Variants in ACACB observed in about 807,000 individuals in gnomAD.
ACACB encodes the protein acetyl-CoA carboxylase beta, also known as acetyl-CoA carboxylase 2.
Under a neutral mutation model 278.8 loss-of-function variants are expected in ACACB, and 209 were observed. The observed-to-expected ratio is 0.75, with a 90% confidence interval of 0.67 to 0.84. The LOEUF (loss-of-function observed/expected upper bound fraction) is 0.84, where lower values mean the gene tolerates loss of function less well. Ranked by LOEUF, ACACB falls within the 40% of genes least tolerant of loss-of-function variation. The pLI, the probability that ACACB is intolerant of heterozygous loss-of-function variation, is 0.00. For synonymous variants in ACACB, 1,174 were observed against 1,285.6 expected (o/e 0.91, Z 1.86); for missense variants, 2,850 against 3,269.0 (o/e 0.87, Z 3.13).
chr12:109,207,782 G>A (rs1379989590), intron 20 of ACACB, among the ~76,000 whole-genome samples: 1 of 152,158 alleles, frequency 6.6e-6, no homozygotes, highest in Non-Finnish European at 1.5e-5. Context: ...AGGTTCAAGC[G>A]ATTCTCCTGC....
intron 27 of ACACB, among the ~76,000 whole-genome samples, chr12:109,225,805 C>T (rs1348895157): frequency 6.6e-6 from 1 of 152,202 alleles, no homozygotes; most frequent in Non-Finnish European, 1.5e-5. Context: ...GTGGAAAATA[C>T]ACACTCCATT....
chr12:109,139,725 G>A lies in ACACB; in HGVS notation c.320G>A (p.Ser107Asn). 1.9e-6 allele frequency: 3 copies of A among 1,614,098 alleles called. No homozygotes were observed. The highest frequency in any genetic ancestry group is 2.5e-6 in the Non-Finnish European group (3 of 1,180,026). The change falls in exon 2 of 53, where the codon AGT (serine) becomes AAT (asparagine). Residue 107 changes from serine (S) to asparagine (N), a missense_variant. By Grantham distance (46) the Ser-to-Asn change is conservative (BLOSUM62 1). Around this residue, in one of 3 missense-constraint regions of ACACB, gnomAD observed 2,265 missense variants for 2,561.3 expected, o/e 0.88. Transcript: ENST00000338432. ...CCCCCAAGAAACCCCCTTTCTTCCA[G>A]TGACGCAGCACCCTCCCCAGAGCTT... ...QKPPRNPLSSSDAAPSPELQA... is the reference protein window; with the variant it reads ...QKPPRNPLSSNDAAPSPELQA...
rs74901904 is a variant in ACACB, at chr12:109,189,397, A to G, written c.2144+1235A>G. On this transcript the variant is annotated intron_variant, in intron 13 of 52. Transcript: ENST00000338432. ...CTTACTTAATAGGAGTAGGCGGAAGACAGGTCAGCCAGCCCAGACCCCTCC... is the reference window on the plus strand; with the variant it reads ...CTTACTTAATAGGAGTAGGCGGAAGGCAGGTCAGCCAGCCCAGACCCCTCC... Among the ~76,000 whole-genome samples, 1,329 of 152,280 alleles carry G rather than the reference A, an allele frequency of 8.7e-3. 30 individuals are homozygous for G. The highest frequency in any genetic ancestry group is 0.03 in the African/African-American group (1,262 of 41,550).
intron 42 of ACACB, chr12:109,252,443 A>G: frequency 3.8e-6 from 1 of 261,318 alleles, no homozygotes; most frequent in Non-Finnish European, 7.2e-6. Flanking sequence ...AACCCCCCAA[A>G]AAAGTAATTT....
chr12:109,160,189 A>G (rs2043680322), intron 2 of ACACB, among the ~76,000 whole-genome samples: 2 of 151,974 alleles, frequency 1.3e-5, no homozygotes, highest in African/African-American at 4.8e-5. Context: ...TGTGTAATGC[A>G]TGTTTTAAAA....
intron 2 of ACACB, chr12:109,154,698 G>A (rs976098916): frequency 6.6e-6 from 1 of 152,476 alleles, no homozygotes; most frequent in Admixed American, 6.5e-5. Context: ...GATGGAGCAA[G>A]CGCAGCGCGA....
At chr12:109,130,110 C>T (rs546532284) in intron 1 of ACACB, among the ~76,000 whole-genome samples, 1 of 152,288 alleles carries the variant, frequency 6.6e-6, no homozygotes, top group African/African-American at 2.4e-5. Context: ...CCATTGGTGG[C>T]AGAGTCCTGG....
chr12:109,260,352 C>A (rs1294841525), intron 47 of ACACB, 128 bp from the exon 48 acceptor site: 3 of 1,265,080 alleles, frequency 2.4e-6, no homozygotes, highest in Non-Finnish European at 3.4e-6. Flanking sequence ...ACTCTCAAAT[C>A]CCAGCCCAGT....
At chr12:109,112,816 GGCAGTCTTA>G (rs1402040227), upstream of ACACB, among the ~76,000 whole-genome samples, 4 of 152,006 alleles carry the variant, frequency 2.6e-5, no homozygotes, top group Non-Finnish European at 4.4e-5. Flanking sequence ...ATGCATAAAA[GGCAGTCTTA>G]GCCTTTTAGG....
Position 109,235,363 on chromosome 12 carries a change from C to G in ACACB, c.4398C>G (p.Ala1466=). The G allele has an allele frequency of 6.2e-7, 1 of 1,613,812 alleles. No individual in the cohort carries two copies. The highest frequency in any genetic ancestry group is 1.3e-5 in the African/African-American group (1 of 75,008). ...YGLRRITFLI[A]QEKEFPKFFT... ...TCCGACGAATCACATTCTTGATTGC[C>G]CAAGAGGTTAGTTCACAGTTCATCT... The change falls in exon 32 of 53, where the codon GCC becomes GCG. Residue 1466 remains alanine (A), a synonymous_variant. Coordinates refer to ENST00000338432, the MANE Select transcript of ACACB (RefSeq NM_001093.4).
intron 47 of ACACB, 75 bp downstream of exon 47, chr12:109,259,183 G>GTC (rs1348178736): frequency 6.5e-7 from 1 of 1,534,924 alleles, no homozygotes; most frequent in African/African-American, 1.4e-5. Context: ...GGGTGGTGAT[G>GTC]CTAATGTCCT....
chr12:109,131,356 C>T (rs2042822041), intron 1 of ACACB: 1 of 152,720 alleles, frequency 6.5e-6, no homozygotes, highest in South Asian at 2.1e-4. Flanking sequence ...CAGCTGGGTT[C>T]CCTTAGTCAC....
intron 1 of ACACB, among the ~76,000 whole-genome samples, chr12:109,119,910 A>T (rs932738586): frequency 1.3e-5 from 2 of 152,070 alleles, no homozygotes; most frequent in African/African-American, 4.8e-5. Flanking sequence ...AAAAAAAAAA[A>T]GGATTAAAGG....
chr12:109,119,225 T>C (rs1257154308), intron 1 of ACACB, among the ~76,000 whole-genome samples: 2 of 152,138 alleles, frequency 1.3e-5, no homozygotes. Context: ...ACTCCAGAAG[T>C]CCTGCTCTCT....
chr12:109,112,468 C>T (rs1277361710), upstream of ACACB, among the ~76,000 whole-genome samples: 5 of 151,526 alleles, frequency 3.3e-5, no homozygotes, highest in African/African-American at 2.4e-5. Flanking sequence ...TTTGGGTGGC[C>T]GAGGTGGGTG....
chr12:109,168,012 C>T lies in ACACB; in HGVS notation c.903C>T (p.Pro301=), dbSNP rs1353715188. Residue 301 remains proline (P), a synonymous_variant, in exon 4 of 53, where the codon CCC becomes CCT. Transcript: ENST00000338432. ...RAIRFVVMVT[P]EDLKANAEYI... ...TCCGGTTTGTTGTGATGGTGACCCC[C>T]GAGGACCTTAAGGCCAACGCAGGTA... 9 of 1,612,876 alleles carry T rather than the reference C, an allele frequency of 5.6e-6. No individual in the cohort carries two copies. The highest frequency in any genetic ancestry group is 1.1e-5 in the South Asian group (1 of 90,954).
chr12:109,144,157 C>T (rs1418673377), intron 2 of ACACB, among the ~76,000 whole-genome samples: 1 of 151,922 alleles, frequency 6.6e-6, no homozygotes, highest in Non-Finnish European at 1.5e-5. Flanking sequence ...TATTAAACTA[C>T]AAAAAATTAG....
At chr12:109,152,844 A>C (rs959195479) in intron 2 of ACACB, among the ~76,000 whole-genome samples, 3 of 151,742 alleles carry the variant, frequency 2.0e-5, no homozygotes, top group African/African-American at 7.3e-5. Context: ...GGGTTTCACT[A>C]TGTTGGTCAG....
chr12:109,223,935 G>T, intron 27 of ACACB, 31 bp downstream of exon 27: 2 of 1,579,812 alleles, frequency 1.3e-6, no homozygotes, highest in South Asian at 2.2e-5. Context: ...GAACAGCACT[G>T]ACCATGCCAG....
Sources: gnomAD v4.1 joint callset for allele counts (sites outside exome capture counted in the v4.1 genomes callset) on GRCh38, gnomAD v4.1.1 for gene constraint, gnomAD v4.1.1 regional missense constraint, MANE v1.5 for transcripts, NCBI Gene and HGNC (gene_info 2026-07-23, HGNC 2026-07-21) for gene names.